The following SORCS2 variants were observed in gnomAD, a reference collection of about 807,000 sequenced individuals.
The protein encoded by SORCS2 is sortilin related VPS10 domain containing receptor 2, also known as VPS10 domain-containing receptor SorCS2.
In SORCS2, 100 loss-of-function variants were observed where a neutral mutation model predicts 141.6. The ratio of observed to expected loss-of-function variants is 0.71; its 90% CI spans 0.60 to 0.83. The LOEUF (loss-of-function observed/expected upper bound fraction) is 0.83. SORCS2 is among the 40% of genes least tolerant of loss of function. SORCS2 has a pLI of 0.00. For synonymous variants in SORCS2, 789 were observed against 676.9 expected (o/e 1.17, Z -2.57); for missense variants, 1,646 against 1,560.2 (o/e 1.05, Z -0.93).
intron 3 of SORCS2, among the ~76,000 whole-genome samples, chr4:7,616,452 A>G (rs1216761073): frequency 6.6e-6 from 1 of 151,922 alleles, no homozygotes; most frequent in Non-Finnish European, 1.5e-5. Flanking sequence ...CCACCCATCT[A>G]CCATTCATTC....
intron 1 of SORCS2, among the ~76,000 whole-genome samples, chr4:7,381,488 A>G (rs1189534317): frequency 6.6e-6 from 1 of 152,216 alleles, no homozygotes; most frequent in Non-Finnish European, 1.5e-5. Context: ...CCCTGCAGGA[A>G]GCCCAGTTTC....
chr4:7,344,532 T>C (rs569496008), intron 1 of SORCS2, among the ~76,000 whole-genome samples: 31 of 152,314 alleles, frequency 2.0e-4, no homozygotes, highest in African/African-American at 7.5e-4. Flanking sequence ...TGGAGGGCAA[T>C]GTGCCCCCAT....
intron 3 of SORCS2, among the ~76,000 whole-genome samples, chr4:7,621,439 CTATG>C (rs1300377390): frequency 5.6e-5 from 8 of 143,770 alleles, no homozygotes; most frequent in African/African-American, 1.3e-4. Context: ...GAGTGTGTGT[CTATG>C]TGTGTGTCTG....
Position 7,193,071 on chromosome 4 carries a change from AG to A in SORCS2, c.430del (p.Asp144ThrfsTer18). Reference protein sequence around the residue: ...VSLISTSFVLKGDATHNQAMV... With the variant: ...VSLISTSFVLXGDATHNQAMV... ...CTCATCAGCACGTCGTTCGTGCTCA[AG>A]GGGGACGCGACGCACAACCAGGCGA... is the stretch of plus-strand genomic sequence containing the variant. On this transcript the variant is annotated frameshift_variant, in exon 1 of 27. Coordinates refer to ENST00000507866, the MANE Select transcript of SORCS2 (RefSeq NM_020777.3). LOFTEE classifies it high-confidence loss of function. This position sits in a 1 kb window ranked among gnomAD's most constrained non-coding sequence, Gnocchi z 4.8. The A allele has an allele frequency of 6.4e-7, 1 of 1,558,698 alleles. No homozygotes were observed.
intron 3 of SORCS2, among the ~76,000 whole-genome samples, chr4:7,618,955 A>G (rs10937843): frequency 0.19 from 28,828 of 152,022 alleles, 2,804 homozygotes; most frequent in Middle Eastern, 0.22. Context: ...GACTGCTGGC[A>G]CCCATAGGTC....
chr4:7,232,712 C>T (rs1335893184), intron 1 of SORCS2, among the ~76,000 whole-genome samples: 1 of 152,196 alleles, frequency 6.6e-6, no homozygotes, highest in Non-Finnish European at 1.5e-5. Flanking sequence ...CGTGCCCCTC[C>T]CGCACCCTGC....
chr4:7,250,184 G>C (rs938622261), intron 1 of SORCS2, among the ~76,000 whole-genome samples: 2 of 152,196 alleles, frequency 1.3e-5, no homozygotes, highest in African/African-American at 4.8e-5. Flanking sequence ...GGAGGTTGCA[G>C]TGACCTGAGA....
At chr4:7,544,676 G>T (rs1020351519) in intron 3 of SORCS2, among the ~76,000 whole-genome samples, 1 of 152,264 alleles carries the variant, frequency 6.6e-6, no homozygotes, top group East Asian at 1.9e-4. Context: ...GACAGAGGGA[G>T]CTGGGGTATT....
intron 2 of SORCS2, among the ~76,000 whole-genome samples, chr4:7,401,435 C>G (rs996253907): frequency 6.6e-6 from 1 of 152,032 alleles, no homozygotes. Context: ...CCGAGAAGAC[C>G]CTTTACATTT....
chr4:7,233,780 G>A lies in SORCS2; in HGVS notation c.480+40654G>A, dbSNP rs1577305490. Among the ~76,000 whole-genome samples, 3 of 152,144 alleles carry A rather than the reference G, an allele frequency of 2.0e-5. No homozygotes were observed. The highest frequency in any genetic ancestry group is 4.4e-5 in the Non-Finnish European group (3 of 68,032). Reference sequence around the variant, plus strand: ...GGGCCTCAGGCGAGCCTGTACTCCTGCACGCCTCAGTTTTCCTGTCTGTAA... The same window carrying A: ...GGGCCTCAGGCGAGCCTGTACTCCTACACGCCTCAGTTTTCCTGTCTGTAA... On this transcript the variant is annotated intron_variant, in intron 1 of 26. Transcript: ENST00000507866. This position sits in a 1 kb window ranked among gnomAD's most constrained non-coding sequence, Gnocchi z 4.5.
chr4:7,278,133 A>T (rs1715630227), intron 1 of SORCS2, among the ~76,000 whole-genome samples: 1 of 152,098 alleles, frequency 6.6e-6, no homozygotes, highest in Non-Finnish European at 1.5e-5. Context: ...GTGCCCTCTT[A>T]TTCATCTACA....
intron 1 of SORCS2, among the ~76,000 whole-genome samples, chr4:7,290,796 T>TTTCAGTCA (rs1553828754): frequency 2.0e-5 from 3 of 151,246 alleles, no homozygotes; most frequent in African/African-American, 7.3e-5. Context: ...GGCTGCATTC[T>TTTCAGTCA]TTCATTCATT....
intron 1 of SORCS2, among the ~76,000 whole-genome samples, chr4:7,292,066 C>G (rs55731251): frequency 0.19 from 29,019 of 152,214 alleles, 3,590 homozygotes; most frequent in Non-Finnish European, 0.28. Flanking sequence ...TCATGGGAAA[C>G]CAGACCAGCC....
At chr4:7,203,971 G>T (rs1293258663) in intron 1 of SORCS2, among the ~76,000 whole-genome samples, 2 of 152,208 alleles carry the variant, frequency 1.3e-5, no homozygotes, top group Non-Finnish European at 2.9e-5. Context: ...GTTTGCCCAG[G>T]CTGTAGCAGG....
At chr4:7,592,041 C>T (rs78842085) in intron 3 of SORCS2, among the ~76,000 whole-genome samples, 2,035 of 152,176 alleles carry the variant, frequency 0.013, 53 homozygotes, top group African/African-American at 0.046. Context: ...AGGAAAGCGC[C>T]GAGGCTTTCA....
At chr4:7,609,632 G>A (rs1191794277) in intron 3 of SORCS2, among the ~76,000 whole-genome samples, 2 of 152,236 alleles carry the variant, frequency 1.3e-5, no homozygotes, top group East Asian at 3.9e-4. Flanking sequence ...CTAGGGCCTG[G>A]CACATAAATG....
chr4:7,513,840 G>A lies in SORCS2; in HGVS notation c.549-17690G>A, dbSNP rs144288871. On this transcript the variant is annotated intron_variant, in intron 2 of 26. Transcript: ENST00000507866. The stretch of plus-strand genomic sequence containing the variant: ...GGATTCTTAAGAATTGGAGAAATAC[G>A]TTCTGCCAATTTCCCCGCCTTTGGT... 7.9e-5 allele frequency among the ~76,000 whole-genome samples: 12 copies of A among 152,286 alleles called. No individual in the cohort carries two copies. The South Asian group carries it at 2.1e-3, about 26-fold the overall frequency.
chr4:7,733,842 C>G (rs1481049375), intron 24 of SORCS2, among the ~76,000 whole-genome samples: 1 of 152,248 alleles, frequency 6.6e-6, no homozygotes, highest in Non-Finnish European at 1.5e-5. Flanking sequence ...CCCACAGCCT[C>G]CATCCCCAGT....
At chr4:7,711,399 G>A (rs1213199369) in intron 14 of SORCS2, among the ~76,000 whole-genome samples, 4 of 152,194 alleles carry the variant, frequency 2.6e-5, no homozygotes, top group African/African-American at 7.2e-5. Context: ...GCCACCCCAA[G>A]TATCCATCCC....
Sources: gnomAD v4.1 joint callset for allele counts (sites outside exome capture counted in the v4.1 genomes callset) on GRCh38, gnomAD v4.1.1 for gene constraint, Gnocchi (gnomAD v3.1) non-coding constraint, MANE v1.5 for transcripts, NCBI Gene and HGNC (gene_info 2026-07-23, HGNC 2026-07-21) for gene names.